The following KAZN variants were observed in gnomAD, a reference collection of about 807,000 sequenced individuals.
The protein encoded by KAZN is kazrin, periplakin interacting protein.
A neutral mutation model predicts 87.4 loss-of-function variants in KAZN; 40 were observed. The ratio of observed to expected loss-of-function variants is 0.46; its 90% CI spans 0.36 to 0.60. KAZN has a LOEUF of 0.60. Among genes scored for constraint, KAZN ranks in the 20% least tolerant of loss-of-function variants. KAZN has a pLI of 0.00. For synonymous variants in KAZN, 466 were observed against 458.3 expected (o/e 1.02, Z -0.22); for missense variants, 898 against 1,073.9 (o/e 0.84, Z 2.29).
At chr1:13,927,406 G>A (rs923837433) in intron 1 of KAZN, among the ~76,000 whole-genome samples, 8 of 152,186 alleles carry the variant, frequency 5.3e-5, no homozygotes, top group Non-Finnish European at 1.5e-5. Flanking sequence ...ACACCTAAAA[G>A]GGTTTGAGCA....
At chr1:13,988,313 G>A (rs61775648) in intron 1 of KAZN, among the ~76,000 whole-genome samples, 20,951 of 151,892 alleles carry the variant, frequency 0.14, 1,577 homozygotes, top group Middle Eastern at 0.2. Context: ...CTATATAGTC[G>A]GGGTAAATAA....
At chr1:14,262,834 AGGCTT>A (rs1452929913) in intron 2 of KAZN, among the ~76,000 whole-genome samples, 1 of 152,210 alleles carries the variant, frequency 6.6e-6, no homozygotes, top group Non-Finnish European at 1.5e-5. Context: ...CGGCAACACC[AGGCTT>A]GTAGCTAGAA....
chr1:14,434,956 C>T lies in KAZN; in HGVS notation c.250-164027C>T, dbSNP rs115572443. ...TCTGAGGCTCTGTGCAAAGAGGTCT[C>T]ATCCTATCCTGAGACGCAGGTGTGT... On this transcript the variant is annotated intron_variant, in intron 2 of 16. Coordinates refer to the KAZN transcript ENST00000636203. Among the ~76,000 whole-genome samples, 784 of 152,272 alleles carry T rather than the reference C, an allele frequency of 5.1e-3. 10 individuals are homozygous for T. Among genetic ancestry groups the T allele is most frequent in the African/African-American group, 0.018 (734 of 41,554 alleles).
chr1:14,492,252 C>T (rs1374018837), intron 2 of KAZN, among the ~76,000 whole-genome samples: 3 of 152,118 alleles, frequency 2.0e-5, no homozygotes, highest in Admixed American at 2.0e-4. Flanking sequence ...TTGGGTTCTT[C>T]TGGGCCCAGA....
At chr1:14,296,416 T>C (rs765667648) in intron 2 of KAZN, among the ~76,000 whole-genome samples, 15 of 152,134 alleles carry the variant, frequency 9.9e-5, no homozygotes, top group Non-Finnish European at 4.4e-5. Flanking sequence ...GCAAGTGACT[T>C]AATCTCTGCC....
At chr1:15,076,070 A>G (rs1210043015) in intron 8 of KAZN, among the ~76,000 whole-genome samples, 1 of 152,128 alleles carries the variant, frequency 6.6e-6, no homozygotes, top group East Asian at 1.9e-4. Context: ...GGCGGTGTGG[A>G]GCCTGTGGCC....
At chr1:14,100,159 T>C (rs1264894780) in intron 1 of KAZN, among the ~76,000 whole-genome samples, 2 of 152,188 alleles carry the variant, frequency 1.3e-5, no homozygotes, top group Non-Finnish European at 2.9e-5. Flanking sequence ...GGCACTGTTG[T>C]TTATCGGTTC....
chr1:14,523,816 C>T (rs1671710646), intron 2 of KAZN, among the ~76,000 whole-genome samples: 1 of 152,166 alleles, frequency 6.6e-6, no homozygotes. Context: ...CTGGTGGCCA[C>T]AGGAAGGCTC....
At chr1:15,103,239 C>T (rs144198682) in intron 11 of KAZN, 120 bp from the exon 12 acceptor site, 38 of 716,378 alleles carry the variant, frequency 5.3e-5, no homozygotes, top group South Asian at 3.4e-4. Flanking sequence ...TGCACTCATG[C>T]CTGGGCAGCA....
intron 2 of KAZN, among the ~76,000 whole-genome samples, chr1:14,524,506 C>T (rs544874365): frequency 2.6e-5 from 4 of 152,258 alleles, no homozygotes; most frequent in African/African-American, 7.2e-5. Context: ...TCACCAGGCT[C>T]TCTTTGACTC....
chr1:14,059,917 A>T (rs1642720972), intron 1 of KAZN, among the ~76,000 whole-genome samples: 1 of 152,062 alleles, frequency 6.6e-6, no homozygotes, highest in Non-Finnish European at 1.5e-5. Context: ...CCTTTGATTT[A>T]TTTGCAAAAG....
intron 1 of KAZN, among the ~76,000 whole-genome samples, chr1:14,640,334 G>C (rs1333965300): frequency 6.6e-6 from 1 of 152,126 alleles, no homozygotes; most frequent in African/African-American, 2.4e-5. Context: ...TGTTGCCATG[G>C]AGGAGGCAAG....
intron 2 of KAZN, among the ~76,000 whole-genome samples, chr1:14,458,823 G>T (rs1367874208): frequency 2.6e-5 from 4 of 152,162 alleles, no homozygotes; most frequent in Admixed American, 6.5e-5. Flanking sequence ...TGATTATGAA[G>T]AATTTAGGCA....
At chr1:14,295,017 A>G (rs1465313920) in intron 2 of KAZN, among the ~76,000 whole-genome samples, 3 of 151,998 alleles carry the variant, frequency 2.0e-5, no homozygotes, top group African/African-American at 7.2e-5. Flanking sequence ...TACAGGCTCA[A>G]TCACCTTCTT....
intron 2 of KAZN, among the ~76,000 whole-genome samples, chr1:14,459,436 T>C (rs1267833007): frequency 6.6e-6 from 1 of 152,088 alleles, no homozygotes; most frequent in Non-Finnish European, 1.5e-5. Flanking sequence ...CTCTGCACTC[T>C]TCCCCCAATC....
intron 1 of KAZN, among the ~76,000 whole-genome samples, chr1:14,920,304 G>A (rs566532645): frequency 3.2e-4 from 42 of 131,042 alleles, no homozygotes; most frequent in African/African-American, 1.1e-3. Context: ...TTTGGGTGGC[G>A]CCCTGTCCAG....
intron 13 of KAZN, 70 bp from the exon 14 acceptor site, chr1:15,112,329 ATGTGTGTGTGTGTGTGTGTGTGTGTGTG>A (rs58658629): frequency 6.3e-6 from 4 of 637,098 alleles, no homozygotes; most frequent in Middle Eastern, 4.3e-4. Flanking sequence ...ATTGTCACCA[ATGTGTGTGTGTGTGTGTGTGTGTGTGTG>A]TGTGTGTGTG....
intron 1 of KAZN, among the ~76,000 whole-genome samples, chr1:13,983,299 C>T (rs1379904002): frequency 6.6e-6 from 1 of 152,238 alleles, no homozygotes; most frequent in Non-Finnish European, 1.5e-5. Context: ...AGGTCCCGAG[C>T]CCTGCCCCAC....
chr1:14,817,265 G>A (rs1002470588), intron 1 of KAZN, among the ~76,000 whole-genome samples: 1 of 152,180 alleles, frequency 6.6e-6, no homozygotes, highest in Admixed American at 6.5e-5. Context: ...AAGAAGGCAA[G>A]GGCTGCATCC....
Sources: gnomAD v4.1 joint callset for allele counts (sites outside exome capture counted in the v4.1 genomes callset) on GRCh38, gnomAD v4.1.1 for gene constraint, MANE v1.5 for transcripts, NCBI Gene and HGNC (gene_info 2026-07-23, HGNC 2026-07-21) for gene names.